JAKMIP3: variants seen among roughly 807,000 people sequenced by gnomAD.
JAKMIP3 encodes janus kinase and microtubule-interacting protein 3.
JAKMIP3 carries 58 observed loss-of-function variants against 118.5 expected under a neutral mutation model. The observed-to-expected ratio is 0.49, with a 90% CI of 0.40 to 0.61. The LOEUF is 0.61. Ranked by LOEUF, JAKMIP3 falls within the 20% of genes least tolerant of loss-of-function variation. The pLI, the probability that JAKMIP3 is intolerant of heterozygous loss-of-function variation, is 0.00. For missense variants in JAKMIP3, 950 were observed against 1,109.0 expected, an observed-to-expected ratio of 0.86 and a Z score of 2.04; for synonymous variants, 486 against 451.2, an observed-to-expected ratio of 1.08 and a Z score of -0.98.
intron 21 of JAKMIP3, among the ~76,000 whole-genome samples, chr10:132,166,720 G>C (rs1191047049): frequency 6.6e-6 from 1 of 152,198 alleles, no homozygotes; most frequent in Non-Finnish European, 1.5e-5. Context: ...CACGCTGGGT[G>C]TGGGGCCCCT....
chr10:132,123,101 A>G (rs1430974811), intron 3 of JAKMIP3, among the ~76,000 whole-genome samples: 1 of 152,164 alleles, frequency 6.6e-6, no homozygotes, highest in Admixed American at 6.5e-5. Flanking sequence ...TTCTTGGCCA[A>G]ATTTCTGCTA....
intron 1 of JAKMIP3, among the ~76,000 whole-genome samples, chr10:132,042,728 T>G (rs2133768017): frequency 6.6e-6 from 1 of 152,310 alleles, no homozygotes; most frequent in Admixed American, 6.5e-5. Context: ...TTTAGAGCTC[T>G]CTGCCATTGT....
chr10:132,175,471 G>A (rs1274678597), intron 23 of JAKMIP3, among the ~76,000 whole-genome samples: 1 of 152,168 alleles, frequency 6.6e-6, no homozygotes, highest in Non-Finnish European at 1.5e-5. Flanking sequence ...AGATGGGAAA[G>A]CAGGGATGCT....
chr10:132,130,761 G>A (rs577788568), intron 3 of JAKMIP3, among the ~76,000 whole-genome samples: 27 of 152,318 alleles, frequency 1.8e-4, no homozygotes, highest in South Asian at 1.2e-3. Flanking sequence ...TGGCTGTGGC[G>A]AGACGCATGT....
At chr10:132,041,621 G>C (rs2037752241) in intron 1 of JAKMIP3, among the ~76,000 whole-genome samples, 1 of 152,252 alleles carries the variant, frequency 6.6e-6, no homozygotes, top group Non-Finnish European at 1.5e-5. Flanking sequence ...CCTGCGGCTG[G>C]TGGCATCATT....
chr10:132,141,081 A>G (rs967252710), intron 10 of JAKMIP3, among the ~76,000 whole-genome samples: 4 of 152,218 alleles, frequency 2.6e-5, no homozygotes, highest in African/African-American at 9.6e-5. Flanking sequence ...AGGCGCAGGC[A>G]GCCATTTCAG....
intron 4 of JAKMIP3, among the ~76,000 whole-genome samples, chr10:132,133,748 C>T (rs1259084365): frequency 3.3e-5 from 5 of 152,370 alleles, no homozygotes; most frequent in East Asian, 3.9e-4. Context: ...TTTCTGTCTA[C>T]ATAGCATCAG....
At chr10:132,163,041 C>G (rs924835388) in intron 19 of JAKMIP3, among the ~76,000 whole-genome samples, 168 bp from the exon 20 acceptor site, 1 of 152,228 alleles carries the variant, frequency 6.6e-6, no homozygotes, top group Non-Finnish European at 1.5e-5. Flanking sequence ...TGGGGAGGTC[C>G]GTGGGGCCCC....
At chr10:132,150,284 C>A (rs1289393699) in intron 16 of JAKMIP3, among the ~76,000 whole-genome samples, 1 of 152,092 alleles carries the variant, frequency 6.6e-6, no homozygotes, top group Admixed American at 6.5e-5. Flanking sequence ...CATCACATTG[C>A]CCAGCTTCTG....
intron 2 of JAKMIP3, among the ~76,000 whole-genome samples, chr10:132,113,390 A>G (rs993721147): frequency 5.3e-5 from 8 of 152,246 alleles, no homozygotes; most frequent in Admixed American, 5.2e-4. Context: ...CTTCTGTGAC[A>G]GTGACTCCAC....
At chr10:132,099,964 C>T (rs530995073) in intron 1 of JAKMIP3, among the ~76,000 whole-genome samples, 2 of 152,326 alleles carry the variant, frequency 1.3e-5, no homozygotes, top group South Asian at 4.1e-4. Context: ...GCTGTGATTC[C>T]CGGTGAAGGG....
At chr10:132,064,028 TAAAC>T (rs771447841), upstream of JAKMIP3, among the ~76,000 whole-genome samples, 56 of 152,366 alleles carry the variant, frequency 3.7e-4, 1 homozygote, top group Admixed American at 1.6e-3. This position sits in a 1 kb window ranked among gnomAD's most constrained non-coding sequence, Gnocchi z 4.4. Flanking sequence ...TTAAAAAACT[TAAAC>T]AATAGGTTGT....
chr10:132,138,245 G>T, intron 9 of JAKMIP3, 67 bp downstream of exon 9: 1 of 1,401,882 alleles, frequency 7.1e-7, no homozygotes, highest in Non-Finnish European at 9.9e-7. Flanking sequence ...CCACGCCCGC[G>T]TGTGTGGAGA....
intron 2 of JAKMIP3, among the ~76,000 whole-genome samples, chr10:132,109,069 CACAT>C (rs1256132799): frequency 3.0e-3 from 4 of 1,342 alleles, no homozygotes; most frequent in African/African-American, 4.1e-3. Flanking sequence ...CACATATACA[CACAT>C]ACACATATAT....
chr10:132,133,822 C>T (rs2051148021), intron 4 of JAKMIP3, among the ~76,000 whole-genome samples: 1 of 152,246 alleles, frequency 6.6e-6, no homozygotes, highest in African/African-American at 2.4e-5. Flanking sequence ...GTTCATGGCA[C>T]TTGCTGGCCC....
intron 1 of JAKMIP3, among the ~76,000 whole-genome samples, chr10:132,085,620 C>T (rs2042298039): frequency 6.6e-6 from 1 of 151,944 alleles, no homozygotes; most frequent in Admixed American, 6.6e-5. Flanking sequence ...TCTGCCTCAG[C>T]CTCCCGAGTA....
At chr10:132,178,152 G>A (rs904775770) in intron 23 of JAKMIP3, among the ~76,000 whole-genome samples, 1 of 152,254 alleles carries the variant, frequency 6.6e-6, no homozygotes, top group African/African-American at 2.4e-5. Context: ...AAATCAGTAG[G>A]AGGGTGACCC....
rs541080234 is a variant in JAKMIP3 at position 132,069,512 on chromosome 10, G to A, written c.-138+3451G>A. ...GGTGTTTTGGTGATGAGCTCCGATG[G>A]GGAGGAGTTAGGACTTGGGCTGAAG... On this transcript the variant is annotated intron_variant, in intron 1 of 23. Coordinates refer to ENST00000684848, the MANE Select transcript of JAKMIP3 (RefSeq NM_001323087.2). 2.2e-4 allele frequency among the ~76,000 whole-genome samples: 34 copies of A among 152,230 alleles called. 1 individual carries two copies. In the South Asian group the frequency reaches 6.9e-3, roughly 31 times the overall value.
At chr10:132,140,607 G>C (rs9733324) in intron 10 of JAKMIP3, 28 bp downstream of exon 10, 187,274 of 856,598 alleles carry the variant, frequency 0.22, 32,410 homozygotes, top group East Asian at 0.3. Context: ...CCGGGTCCTG[G>C]GCTTGGAGGA....
Sources: allele counts gnomAD v4.1 joint callset (sites outside exome capture counted in the v4.1 genomes callset), GRCh38; gene constraint gnomAD v4.1.1; non-coding constraint Gnocchi (gnomAD v3.1); transcripts MANE v1.5; gene names NCBI Gene and HGNC (gene_info 2026-07-23, HGNC 2026-07-21).